KAZN: variants seen among roughly 807,000 people sequenced by gnomAD.
KAZN encodes the protein kazrin, periplakin interacting protein.
Under a neutral mutation model 87.4 loss-of-function variants are expected in KAZN, and 40 were observed. The observed-to-expected ratio is 0.46, with a 90% confidence interval of 0.36 to 0.60. KAZN has a LOEUF of 0.60. Ranked by LOEUF, KAZN falls within the 20% of genes least tolerant of loss-of-function variation. The pLI is 0.00. For synonymous variants in KAZN, 466 were observed against 458.3 expected, an observed-to-expected ratio of 1.02 and a Z score of -0.22; for missense variants, 898 against 1,073.9, an observed-to-expected ratio of 0.84 and a Z score of 2.29.
At chr1:14,364,416 T>A (rs1307403328) in intron 2 of KAZN, among the ~76,000 whole-genome samples, 7 of 152,300 alleles carry the variant, frequency 4.6e-5, no homozygotes, top group Admixed American at 4.6e-4. Context: ...GCATGCAGCA[T>A]GAGCACTGGC....
chr1:14,405,022 A>C (rs939009532), intron 2 of KAZN, among the ~76,000 whole-genome samples: 1 of 152,182 alleles, frequency 6.6e-6, no homozygotes, highest in Non-Finnish European at 1.5e-5. Context: ...GCATTAAGGC[A>C]GCTAAGAAAC....
chr1:14,034,852 G>T (rs2101354297), intron 1 of KAZN, among the ~76,000 whole-genome samples: 1 of 152,312 alleles, frequency 6.6e-6, no homozygotes, highest in African/African-American at 2.4e-5. Flanking sequence ...TCTTCACTCG[G>T]TAAAGACTGG....
At chr1:14,150,157 G>T (rs1387245916) in intron 1 of KAZN, among the ~76,000 whole-genome samples, 1 of 152,130 alleles carries the variant, frequency 6.6e-6, no homozygotes, top group Non-Finnish European at 1.5e-5. Flanking sequence ...AGAGACGAAG[G>T]ACTTGCCAAA....
At chr1:14,491,949 T>C (rs1362876410) in intron 2 of KAZN, among the ~76,000 whole-genome samples, 2 of 152,238 alleles carry the variant, frequency 1.3e-5, no homozygotes, top group East Asian at 3.8e-4. Context: ...TTCATACCAT[T>C]GCTTTTCAGT....
intron 1 of KAZN, among the ~76,000 whole-genome samples, chr1:14,169,111 T>C (rs896760709): frequency 6.6e-6 from 1 of 152,144 alleles, no homozygotes; most frequent in African/African-American, 2.4e-5. Flanking sequence ...GTTTACTCGG[T>C]ATAGGTAACA....
intron 8 of KAZN, among the ~76,000 whole-genome samples, chr1:15,069,203 A>G (rs1399446264): frequency 6.6e-6 from 1 of 152,114 alleles, no homozygotes; most frequent in African/African-American, 2.4e-5. Flanking sequence ...AGACATCACC[A>G]ATCAATTGAA....
At chr1:14,698,978 G>C (rs938024229) in intron 1 of KAZN, among the ~76,000 whole-genome samples, 1 of 151,580 alleles carries the variant, frequency 6.6e-6, no homozygotes, top group Non-Finnish European at 1.5e-5. Context: ...GGACATAAAG[G>C]CTTCCCAGGT....
intron 2 of KAZN, among the ~76,000 whole-genome samples, chr1:14,484,291 T>C (rs1047896986): frequency 4.6e-5 from 7 of 152,210 alleles, no homozygotes; most frequent in African/African-American, 1.7e-4. Context: ...GGTGTGGCTA[T>C]AGTCGATAAC....
chr1:14,594,227 T>G (rs1465671672), upstream of KAZN, among the ~76,000 whole-genome samples: 1 of 152,234 alleles, frequency 6.6e-6, no homozygotes, highest in Non-Finnish European at 1.5e-5. Flanking sequence ...TGACGTTATA[T>G]TATGAGGTCA....
chr1:13,948,862 C>T (rs1641242575), intron 1 of KAZN, among the ~76,000 whole-genome samples: 1 of 152,106 alleles, frequency 6.6e-6, no homozygotes, highest in Admixed American at 6.5e-5. Context: ...TAGGCCCCTT[C>T]CCATGTTACA....
chr1:14,879,190 T>TCACACA (rs575323485), intron 1 of KAZN, among the ~76,000 whole-genome samples: 112 of 152,298 alleles, frequency 7.4e-4, no homozygotes, highest in African/African-American at 2.6e-3. Flanking sequence ...CTTGTGCTGG[T>TCACACA]CACCTGGTTC....
intron 1 of KAZN, among the ~76,000 whole-genome samples, chr1:13,933,011 C>A (rs535537672): frequency 1.3e-5 from 2 of 152,040 alleles, no homozygotes; most frequent in African/African-American, 4.8e-5. Context: ...CATCCTATTC[C>A]CTATTTCCCC....
chr1:14,402,266 G>C (rs2101138364), intron 2 of KAZN, among the ~76,000 whole-genome samples: 1 of 151,000 alleles, frequency 6.6e-6, no homozygotes, highest in South Asian at 2.1e-4. Context: ...CGATGTTATA[G>C]GAAAAATAGC....
chr1:14,457,297 G>A (rs1182540828), intron 2 of KAZN, among the ~76,000 whole-genome samples: 2 of 152,172 alleles, frequency 1.3e-5, no homozygotes, highest in African/African-American at 4.8e-5. Context: ...TCATATGCAT[G>A]TTAACCCTAT....
At chr1:13,939,159 A>G (rs1640846711) in intron 1 of KAZN, among the ~76,000 whole-genome samples, 1 of 152,216 alleles carries the variant, frequency 6.6e-6, no homozygotes, top group Admixed American at 6.5e-5. Context: ...CTCTTCTGAT[A>G]ATGCTTTGTA....
intron 4 of KAZN, among the ~76,000 whole-genome samples, chr1:15,048,764 C>T (rs1166177136): frequency 4.8e-5 from 7 of 145,762 alleles, no homozygotes; most frequent in Non-Finnish European, 8.9e-5. Flanking sequence ...GATCCTGGGT[C>T]GTCGATCCTG....
At chr1:14,805,860 G>A (rs925976191) in intron 1 of KAZN, among the ~76,000 whole-genome samples, 4 of 152,000 alleles carry the variant, frequency 2.6e-5, no homozygotes, top group African/African-American at 9.7e-5. Context: ...AGGAGGTGGA[G>A]AGAATATTCC....
intron 2 of KAZN, among the ~76,000 whole-genome samples, chr1:14,467,970 G>A (rs1003173281): frequency 1.2e-4 from 18 of 152,124 alleles, no homozygotes; most frequent in African/African-American, 3.1e-4. Context: ...CATAAATCAC[G>A]TGCTCTTCTC....
chr1:15,071,290 C>T (rs1273527620), intron 8 of KAZN, among the ~76,000 whole-genome samples: 2 of 151,838 alleles, frequency 1.3e-5, no homozygotes, highest in African/African-American at 4.8e-5. Flanking sequence ...CTCACTCTGT[C>T]GCCCAGGCTG....
Sources: gnomAD v4.1 joint callset for allele counts (sites outside exome capture counted in the v4.1 genomes callset) on GRCh38, gnomAD v4.1.1 for gene constraint, MANE v1.5 for transcripts, NCBI Gene and HGNC (gene_info 2026-07-23, HGNC 2026-07-21) for gene names.